The following ILRUN variants were observed in gnomAD, a reference collection of about 807,000 sequenced individuals.
ILRUN encodes the protein protein ILRUN.
A neutral mutation model predicts 33.8 loss-of-function variants in ILRUN; 3 were observed. That is an observed-to-expected ratio of 0.09 (90% CI 0.04 to 0.23). The LOEUF is 0.23. Among genes scored for constraint, ILRUN ranks in the 10% least tolerant of loss-of-function variants. ILRUN has a pLI of 1.00. For missense variants in ILRUN, 210 were observed against 375.1 expected (o/e 0.56, Z 3.64); for synonymous variants, 124 against 138.9 (o/e 0.89, Z 0.75).
chr6:34,623,011 A>G (rs1046079277), intron 3 of ILRUN, among the ~76,000 whole-genome samples: 1 of 152,266 alleles, frequency 6.6e-6, no homozygotes, highest in Non-Finnish European at 1.5e-5. Flanking sequence ...CAGATACTAT[A>G]TAATTCCACG....
chr6:34,600,582 CATCAA>C (rs1268690248), intron 4 of ILRUN, among the ~76,000 whole-genome samples: 1 of 152,094 alleles, frequency 6.6e-6, no homozygotes, highest in Non-Finnish European at 1.5e-5. Context: ...GTGTGTGTGA[CATCAA>C]AAAGTACAGA....
At chr6:34,634,623 A>T in intron 3 of ILRUN, among the ~76,000 whole-genome samples, 1 of 152,192 alleles carries the variant, frequency 6.6e-6, no homozygotes, top group South Asian at 2.1e-4. Flanking sequence ...GATTATCATC[A>T]AACATAGATG....
At chr6:34,676,334 G>A (rs1230813994) in intron 1 of ILRUN, among the ~76,000 whole-genome samples, 1 of 151,718 alleles carries the variant, frequency 6.6e-6, no homozygotes, top group Non-Finnish European at 1.5e-5. Flanking sequence ...GGGAGGTTGA[G>A]GCTGCAGTGA....
intron 3 of ILRUN, among the ~76,000 whole-genome samples, chr6:34,640,535 C>A (rs184600057): frequency 2.3e-4 from 35 of 151,516 alleles, no homozygotes; most frequent in African/African-American, 8.5e-4. Flanking sequence ...ACATGGTGAA[C>A]CCTGTCTCTA....
At chr6:34,691,139 C>T (rs1014124755) in intron 1 of ILRUN, among the ~76,000 whole-genome samples, 6 of 152,050 alleles carry the variant, frequency 3.9e-5, no homozygotes, top group East Asian at 1.9e-4. Context: ...CCGTCCGCCT[C>T]GGCCTCCCAA....
intron 4 of ILRUN, chr6:34,595,982 T>C (rs1582029522): frequency 2.2e-6 from 2 of 930,200 alleles, no homozygotes; most frequent in Middle Eastern, 1.1e-3. Context: ...CAGGGTTTAG[T>C]ACTAAGTCCT....
intron 4 of ILRUN, among the ~76,000 whole-genome samples, chr6:34,603,709 A>C (rs1005531789): frequency 6.6e-6 from 1 of 152,184 alleles, no homozygotes; most frequent in African/African-American, 2.4e-5. Flanking sequence ...CTCTCTATTG[A>C]GCAAATTCAT....
chr6:34,683,364 T>C (rs1763414224), intron 1 of ILRUN, among the ~76,000 whole-genome samples: 1 of 147,142 alleles, frequency 6.8e-6, no homozygotes, highest in Non-Finnish European at 1.5e-5. Flanking sequence ...TTTACATACA[T>C]ATTCATGCAT....
At chr6:34,670,188 C>T (rs1334220575) in intron 1 of ILRUN, among the ~76,000 whole-genome samples, 1 of 152,088 alleles carries the variant, frequency 6.6e-6, no homozygotes, top group African/African-American at 2.4e-5. Flanking sequence ...GCTGGGATTA[C>T]AGGCATAAGC....
chr6:34,639,483 G>A (rs931337926), intron 3 of ILRUN, among the ~76,000 whole-genome samples: 2 of 152,158 alleles, frequency 1.3e-5, no homozygotes, highest in African/African-American at 2.4e-5. Context: ...CTGGCATCCA[G>A]GCTAAAACAA....
Position 34,637,423 on chromosome 6 carries a change from A to T in ILRUN, c.511+9178T>A, listed in dbSNP as rs1762385872. Among the ~76,000 whole-genome samples the T allele has an allele frequency of 7.2e-5, 11 of 152,318 alleles. No homozygotes were observed. The South Asian group carries it at 2.3e-3, about 32-fold the overall frequency. ...TTTAAGGAAATATCACTACTCCCTT[A>T]AATTCAGAATTTCTGGAATCCAACA... On this transcript the variant is annotated intron_variant, in intron 3 of 4. Transcript: ENST00000374023.
chr6:34,597,755 G>C (rs755532191), intron 4 of ILRUN, among the ~76,000 whole-genome samples: 21 of 152,192 alleles, frequency 1.4e-4, no homozygotes, highest in Non-Finnish European at 2.8e-4. Context: ...CCTTTGCTTG[G>C]CTTTTAAAGG....
intron 3 of ILRUN, among the ~76,000 whole-genome samples, chr6:34,619,305 A>G (rs1422591336): frequency 1.3e-5 from 2 of 152,102 alleles, no homozygotes; most frequent in Non-Finnish European, 2.9e-5. Flanking sequence ...ATATATATAT[A>G]TAGAAGGATC....
At chr6:34,687,288 A>G (rs1191018142) in intron 1 of ILRUN, among the ~76,000 whole-genome samples, 3 of 152,232 alleles carry the variant, frequency 2.0e-5, no homozygotes, top group African/African-American at 7.2e-5. Flanking sequence ...GAAGATATAC[A>G]AATGGCCAAA....
In ILRUN at chr6:34,606,796, T is replaced by G. The variant is rs1761643349; in HGVS notation, c.620A>C (p.Glu207Ala). The G allele has an allele frequency of 6.2e-7, 1 of 1,614,052 alleles. No homozygotes were observed. Among genetic ancestry groups the G allele is most frequent in the African/African-American group, 1.3e-5 (1 of 74,912 alleles). The change falls in exon 4 of 5, where the codon GAA becomes GCA. Residue 207 changes from glutamate (E) to alanine (A), a missense_variant. By Grantham distance (107) the Glu-to-Ala change is moderately radical (BLOSUM62 -1). Transcript: ENST00000374023. The stretch of plus-strand genomic sequence containing the variant: ...AGAGGCAAAAGGGTTGAAGTTTCCT[T>G]CTACCTTACGATGCGGCTGTGTGTT... The part of the protein sequence containing the change: ...EFNTQPHRKV[E>A]GNFNPFASPQ...
In ILRUN at chr6:34,696,550, G is replaced by A; in HGVS notation, c.54C>T (p.Cys18=). 6.2e-7 allele frequency: 1 copy of A among 1,613,148 alleles called. No individual in the cohort carries two copies. Among genetic ancestry groups the A allele is most frequent in the Non-Finnish European group, 8.5e-7 (1 of 1,179,830 alleles). Residue 18 remains cysteine, a synonymous_variant, in exon 1 of 5, where the codon TGC becomes TGT. Coordinates refer to ENST00000374023, the MANE Select transcript of ILRUN (RefSeq NM_024294.4). ...GCACGTCCTTGTCGGTGGTGCCCAG[G>A]CAGCTGAACTTCTGCATCAGCTCCG... ...LDPELMQKFS[C]LGTTDKDVLI...
At chr6:34,602,885 C>T (rs1023720504) in intron 4 of ILRUN, among the ~76,000 whole-genome samples, 2 of 152,302 alleles carry the variant, frequency 1.3e-5, no homozygotes, top group South Asian at 2.1e-4. Context: ...AGGGAGCTTA[C>T]GATTCAAGAA....
At chr6:34,614,431 T>TAAAAAA (rs869049658) in intron 3 of ILRUN, among the ~76,000 whole-genome samples, 1 of 113,972 alleles carries the variant, frequency 8.8e-6, no homozygotes. Flanking sequence ...CAAAAAATAA[T>TAAAAAA]AAAAAAAAAA....
At chr6:34,600,669 G>A (rs1163767163) in intron 4 of ILRUN, among the ~76,000 whole-genome samples, 2 of 152,158 alleles carry the variant, frequency 1.3e-5, no homozygotes, top group South Asian at 2.1e-4. Flanking sequence ...TGACTATGAA[G>A]GTTTCTAGGT....
Sources: allele counts gnomAD v4.1 joint callset (sites outside exome capture counted in the v4.1 genomes callset), GRCh38; gene constraint gnomAD v4.1.1; transcripts MANE v1.5; gene names NCBI Gene and HGNC (gene_info 2026-07-23, HGNC 2026-07-21).